SLIT2: variants seen among roughly 807,000 people sequenced by gnomAD.
SLIT2 encodes slit guidance ligand 2.
Under a neutral mutation model 185.7 loss-of-function variants are expected in SLIT2, and 41 were observed. That is an observed-to-expected ratio of 0.22 (90% CI 0.17 to 0.29). The LOEUF (loss-of-function observed/expected upper bound fraction) is 0.29. SLIT2 is among the 10% of genes least tolerant of loss of function. The probability of loss-of-function intolerance (pLI) is 1.00; values close to 1 mark genes in which losing one functional copy is unlikely to be tolerated. For synonymous variants in SLIT2, 693 were observed against 680.2 expected, an observed-to-expected ratio of 1.02 and a Z score of -0.29; for missense variants, 1,571 against 1,909.0, an observed-to-expected ratio of 0.82 and a Z score of 3.30.
intron 33 of SLIT2, among the ~76,000 whole-genome samples, chr4:20,609,049 C>T (rs1362287406): frequency 6.6e-6 from 1 of 152,138 alleles, no homozygotes; most frequent in Non-Finnish European, 1.5e-5. Flanking sequence ...GGTCCTATTT[C>T]TTCTTTGGTC....
intron 8 of SLIT2, among the ~76,000 whole-genome samples, chr4:20,490,550 G>A (rs943947611): frequency 5.9e-5 from 9 of 152,074 alleles, no homozygotes; most frequent in South Asian, 2.1e-4. Context: ...ATAATGCATC[G>A]TAAGTAGTTC....
intron 4 of SLIT2, among the ~76,000 whole-genome samples, chr4:20,284,575 AT>A (rs1334231490): frequency 6.6e-6 from 1 of 152,182 alleles, no homozygotes; most frequent in Non-Finnish European, 1.5e-5. Flanking sequence ...ATCTTTGCGT[AT>A]GTTCTTTCTT....
At chr4:20,520,618 G>A (rs920481558) in intron 12 of SLIT2, among the ~76,000 whole-genome samples, 20 of 151,852 alleles carry the variant, frequency 1.3e-4, no homozygotes, top group African/African-American at 4.1e-4. Context: ...ATAAACTTAC[G>A]TTCTTAAGTA....
chr4:20,324,284 T>C (rs1163820090), intron 4 of SLIT2, among the ~76,000 whole-genome samples: 1 of 150,906 alleles, frequency 6.6e-6, no homozygotes, highest in Non-Finnish European at 1.5e-5. Flanking sequence ...GGTGCTGATG[T>C]TGTATTGGTG....
intron 19 of SLIT2, 129 bp downstream of exon 19, chr4:20,539,713 T>A: frequency 1.9e-6 from 1 of 524,340 alleles, no homozygotes; most frequent in Non-Finnish European, 3.1e-6. Flanking sequence ...AGGACAAACT[T>A]GTTCACATCA....
chr4:20,478,306 A>C (rs1330025696), intron 5 of SLIT2, among the ~76,000 whole-genome samples: 3 of 152,238 alleles, frequency 2.0e-5, no homozygotes, highest in East Asian at 1.9e-4. Flanking sequence ...ACTTTTAAGG[A>C]AAACCTCAGT....
At chr4:20,585,545 G>C (rs1246612628) in intron 29 of SLIT2, among the ~76,000 whole-genome samples, 3 of 152,192 alleles carry the variant, frequency 2.0e-5, no homozygotes, top group Non-Finnish European at 4.4e-5. Flanking sequence ...CCTATCTCTT[G>C]AGAGGCTCAT....
At chr4:20,363,263 G>A (rs1049567040) in intron 4 of SLIT2, among the ~76,000 whole-genome samples, 3 of 151,938 alleles carry the variant, frequency 2.0e-5, no homozygotes, top group Non-Finnish European at 2.9e-5. Context: ...AACATGTACA[G>A]CAAAAGATAA....
intron 4 of SLIT2, among the ~76,000 whole-genome samples, chr4:20,271,707 A>T (rs1417277808): frequency 6.6e-6 from 1 of 151,866 alleles, no homozygotes; most frequent in South Asian, 2.1e-4. Context: ...CTAATAAAAA[A>T]GTTTACTGGT....
chr4:20,337,420 C>A (rs1427809157), intron 4 of SLIT2, among the ~76,000 whole-genome samples: 1 of 151,788 alleles, frequency 6.6e-6, no homozygotes, highest in African/African-American at 2.4e-5. Flanking sequence ...CACTGGGTGC[C>A]TCCCAGTGGG....
intron 4 of SLIT2, among the ~76,000 whole-genome samples, chr4:20,445,145 C>T (rs1478337063): frequency 6.6e-6 from 1 of 152,182 alleles, no homozygotes; most frequent in East Asian, 1.9e-4. Context: ...GCCATTAATT[C>T]AGAGAGGTCT....
At chr4:20,412,533 T>C (rs1200305706) in intron 4 of SLIT2, among the ~76,000 whole-genome samples, 7 of 152,152 alleles carry the variant, frequency 4.6e-5, no homozygotes. Context: ...TTCATATTTA[T>C]ACTGTAAACT....
At chr4:20,460,201 G>A (rs185846223) in intron 4 of SLIT2, among the ~76,000 whole-genome samples, 3 of 151,682 alleles carry the variant, frequency 2.0e-5, no homozygotes, top group Admixed American at 6.6e-5. Flanking sequence ...CCTCCCTTGC[G>A]CAAACATTTG....
Position 20,470,062 on chromosome 4 carries a change from A to C in SLIT2, c.467+2239A>C, listed in dbSNP as rs185734710. ...GAGCCACTGTGCCTGGCCAGTTTTT[A>C]CTTTTATAAAGTAAACAATAGTTAT... On this transcript the variant is annotated intron_variant, in intron 5 of 36. Transcript: ENST00000504154. 1.7e-3 allele frequency among the ~76,000 whole-genome samples: 261 copies of C among 152,024 alleles called. 1 individual carries two copies. The highest frequency in any genetic ancestry group is 3.1e-3 in the South Asian group (15 of 4,822).
intron 5 of SLIT2, among the ~76,000 whole-genome samples, chr4:20,477,171 G>T (rs1313785250): frequency 7.3e-6 from 1 of 137,426 alleles, no homozygotes; most frequent in African/African-American, 2.7e-5. Flanking sequence ...AAAAAAAAAA[G>T]AATGTTAATA....
chr4:20,500,306 A>C (rs1356685129), intron 9 of SLIT2, among the ~76,000 whole-genome samples: 1 of 152,232 alleles, frequency 6.6e-6, no homozygotes, highest in Non-Finnish European at 1.5e-5. Flanking sequence ...AAAATGTTAT[A>C]AAAGTTAAAA....
intron 34 of SLIT2, among the ~76,000 whole-genome samples, chr4:20,611,811 G>A (rs1460827681): frequency 1.3e-5 from 2 of 152,156 alleles, no homozygotes; most frequent in African/African-American, 2.4e-5. Flanking sequence ...AGTCCCTGAA[G>A]AGCAATCTCA....
chr4:20,546,279 G>T (rs572067162), intron 22 of SLIT2, among the ~76,000 whole-genome samples, 180 bp downstream of exon 22: 1 of 152,074 alleles, frequency 6.6e-6, no homozygotes, highest in Non-Finnish European at 1.5e-5. Flanking sequence ...TCGATCAGGC[G>T]ATGGAGTGTC....
At chr4:20,577,244 C>A (rs1726151708) in intron 29 of SLIT2, among the ~76,000 whole-genome samples, 1 of 152,128 alleles carries the variant, frequency 6.6e-6, no homozygotes, top group Admixed American at 6.6e-5. Context: ...GAAAAACACT[C>A]CTTCTGAATA....
Sources: allele counts gnomAD v4.1 joint callset (sites outside exome capture counted in the v4.1 genomes callset), GRCh38; gene constraint gnomAD v4.1.1; transcripts MANE v1.5; gene names NCBI Gene and HGNC (gene_info 2026-07-23, HGNC 2026-07-21).